Variants in GRID1 observed in about 807,000 individuals in gnomAD.
GRID1 encodes the protein glutamate receptor ionotropic, delta-1.
Under a neutral mutation model 98.0 loss-of-function variants are expected in GRID1, and 28 were observed. That is an observed-to-expected ratio of 0.29 (90% CI 0.21 to 0.39). The LOEUF (loss-of-function observed/expected upper bound fraction) is 0.39. Ranked by LOEUF, GRID1 falls within the 10% of genes least tolerant of loss-of-function variation. The pLI is 1.00. For missense variants in GRID1, 1,111 were observed against 1,340.5 expected (o/e 0.83, Z 2.67); for synonymous variants, 553 against 538.5 (o/e 1.03, Z -0.37).
At chr10:85,893,561 G>A (rs1841236790) in intron 5 of GRID1, among the ~76,000 whole-genome samples, 1 of 152,136 alleles carries the variant, frequency 6.6e-6, no homozygotes, top group African/African-American at 2.4e-5. Flanking sequence ...TCAATATCCA[G>A]AAACCAGTTG....
At chr10:85,769,496 C>G (rs1307131325) in intron 8 of GRID1, among the ~76,000 whole-genome samples, 3 of 152,122 alleles carry the variant, frequency 2.0e-5, no homozygotes, top group Non-Finnish European at 4.4e-5. Context: ...TGCAGCACAC[C>G]ATGTGCGAGC....
At chr10:86,179,247 A>C (rs542653422) in intron 3 of GRID1, among the ~76,000 whole-genome samples, 169 of 152,160 alleles carry the variant, frequency 1.1e-3, no homozygotes, top group African/African-American at 3.9e-3. Context: ...CAGACTGGCC[A>C]GGCTTGTCTC....
At chr10:85,982,276 T>C (rs4933382) in intron 4 of GRID1, among the ~76,000 whole-genome samples, 61,217 of 151,722 alleles carry the variant, frequency 0.4, 13,130 homozygotes, top group South Asian at 0.53. Context: ...ATTTCACTAT[T>C]TGTATGTATA....
At chr10:86,300,100 AAC>A (rs1441659680) in intron 2 of GRID1, among the ~76,000 whole-genome samples, 1 of 152,120 alleles carries the variant, frequency 6.6e-6, no homozygotes, top group African/African-American at 2.4e-5. Context: ...ACGAGGAGAG[AAC>A]ACACAGAGAC....
intron 2 of GRID1, among the ~76,000 whole-genome samples, chr10:86,263,025 T>C (rs1236454401): frequency 2.0e-5 from 3 of 151,234 alleles, no homozygotes; most frequent in Non-Finnish European, 4.4e-5. Context: ...GAAAACATCT[T>C]TGTTCTGCGA....
At chr10:85,841,839 G>A (rs2131771808) in intron 8 of GRID1, among the ~76,000 whole-genome samples, 1 of 152,192 alleles carries the variant, frequency 6.6e-6, no homozygotes, top group Non-Finnish European at 1.5e-5. Flanking sequence ...ATGATGGCAA[G>A]GTTATGGAGA....
At chr10:86,170,221 C>A (rs1342854334) in intron 3 of GRID1, among the ~76,000 whole-genome samples, 3 of 152,212 alleles carry the variant, frequency 2.0e-5, no homozygotes, top group Non-Finnish European at 2.9e-5. Context: ...TGTACCAGCC[C>A]TCCCAGAGCA....
intron 2 of GRID1, among the ~76,000 whole-genome samples, chr10:86,307,696 A>G (rs1589444338): frequency 1.3e-5 from 2 of 152,328 alleles, no homozygotes; most frequent in East Asian, 3.9e-4. Flanking sequence ...TCCTCACCAC[A>G]AAAAAGAAAA....
rs989863538 is a variant in GRID1, at chr10:86,365,463, T to G, written c.79+851A>C. Among the ~76,000 whole-genome samples, 2 of 120,808 alleles carry G rather than the reference T, an allele frequency of 1.7e-5. No individual in the cohort carries two copies. Among genetic ancestry groups the G allele is most frequent in the Admixed American group, 8.1e-5 (1 of 12,382 alleles). 79.3% of individuals were successfully genotyped at this position (120,808 alleles called of 152,430 possible). ...TCCCCCTCGGCGCGCCCACTCCCCC[T>G]CGGCGCGCCCCCTCCTCCTCTGCGC... On this transcript the variant is annotated intron_variant, in intron 1 of 15. Coordinates refer to ENST00000327946, the MANE Select transcript of GRID1 (RefSeq NM_017551.3). This position sits in a 1 kb window ranked among gnomAD's most constrained non-coding sequence, Gnocchi z 4.8.
intron 5 of GRID1, among the ~76,000 whole-genome samples, chr10:85,886,741 T>C (rs1488668737): frequency 6.6e-6 from 1 of 152,218 alleles, no homozygotes. Flanking sequence ...AGTAAGGATC[T>C]CTTTTTTTCA....
intron 4 of GRID1, among the ~76,000 whole-genome samples, chr10:85,986,037 TG>T: frequency 6.6e-6 from 1 of 152,384 alleles, no homozygotes; most frequent in South Asian, 2.1e-4. Context: ...GCTAAATGCC[TG>T]GCACAATGTC....
chr10:85,890,336 G>A (rs2131808870), intron 5 of GRID1, among the ~76,000 whole-genome samples: 1 of 152,024 alleles, frequency 6.6e-6, no homozygotes, highest in Non-Finnish European at 1.5e-5. Flanking sequence ...ATGACATGAT[G>A]GATATGCTCA....
chr10:86,264,916 C>T (rs936102426), intron 2 of GRID1: 7 of 374,058 alleles, frequency 1.9e-5, no homozygotes, highest in East Asian at 7.4e-5. Context: ...GGCTACTCCC[C>T]GGCCCCCAGG....
chr10:86,016,023 G>A (rs1842975524), intron 4 of GRID1, among the ~76,000 whole-genome samples: 1 of 152,022 alleles, frequency 6.6e-6, no homozygotes, highest in Non-Finnish European at 1.5e-5. Flanking sequence ...AAGTTACCGA[G>A]CATTATGTCT....
intron 2 of GRID1, among the ~76,000 whole-genome samples, chr10:86,257,807 T>G (rs1272105341): frequency 6.6e-6 from 1 of 152,086 alleles, no homozygotes; most frequent in Non-Finnish European, 1.5e-5. Flanking sequence ...GAAGATGACA[T>G]GAGCGCCAAC....
At chr10:85,620,096 T>C in intron 13 of GRID1, 63 bp from the exon 14 acceptor site, 1 of 1,393,670 alleles carries the variant, frequency 7.2e-7, no homozygotes, top group South Asian at 1.2e-5. Context: ...CTTTGATTGG[T>C]GAGCCATCTT....
At chr10:86,048,870 T>C (rs1372475125) in intron 4 of GRID1, among the ~76,000 whole-genome samples, 2 of 152,254 alleles carry the variant, frequency 1.3e-5, no homozygotes, top group Non-Finnish European at 2.9e-5. Flanking sequence ...TTTGGCTCTT[T>C]GGTTCCTTCC....
chr10:85,968,450 C>CAAAAAAAAAAA (rs56938729), intron 4 of GRID1, among the ~76,000 whole-genome samples: 2 of 102,446 alleles, frequency 2.0e-5, no homozygotes, highest in Non-Finnish European at 2.0e-5. Flanking sequence ...GACTCTGTCT[C>CAAAAAAAAAAA]AAAAAAAAAA....
intron 6 of GRID1, among the ~76,000 whole-genome samples, chr10:85,856,531 C>A (rs568970326): frequency 1.3e-5 from 2 of 152,086 alleles, no homozygotes; most frequent in African/African-American, 2.4e-5. Context: ...GAAAGCTCAG[C>A]GTTGAAGGAT....
Sources: gnomAD v4.1 joint callset for allele counts (sites outside exome capture counted in the v4.1 genomes callset) on GRCh38, gnomAD v4.1.1 for gene constraint, Gnocchi (gnomAD v3.1) non-coding constraint, MANE v1.5 for transcripts, NCBI Gene and HGNC (gene_info 2026-07-23, HGNC 2026-07-21) for gene names.